Variants in TGS1 observed in about 807,000 individuals in gnomAD.
TGS1 encodes the protein trimethylguanosine synthase 1.
Under a neutral mutation model 92.2 loss-of-function variants are expected in TGS1, and 69 were observed. The ratio of observed to expected loss-of-function variants is 0.75; its 90% CI spans 0.62 to 0.91. The LOEUF (loss-of-function observed/expected upper bound fraction) is 0.91, where lower values mean the gene tolerates loss of function less well. Ranked by LOEUF, TGS1 falls within the 40% of genes least tolerant of loss-of-function variation. TGS1 has a pLI of 0.00. For missense variants in TGS1, 1,062 were observed against 1,001.2 expected (o/e 1.06, Z -0.82); for synonymous variants, 345 against 338.1 (o/e 1.02, Z -0.22).
intron 10 of TGS1, among the ~76,000 whole-genome samples, chr8:55,805,324 C>CA (rs530960573): frequency 1.3e-5 from 2 of 150,790 alleles, no homozygotes; most frequent in African/African-American, 2.4e-5. Flanking sequence ...AGATTTGTGA[C>CA]AAAAAAAAGA....
At chr8:55,801,697 T>C (rs1812220480) in intron 8 of TGS1, among the ~76,000 whole-genome samples, 1 of 150,156 alleles carries the variant, frequency 6.7e-6, no homozygotes, top group Non-Finnish European at 1.5e-5. Context: ...CACGCCATTC[T>C]TCTGTCTCAG....
chr8:55,801,582 C>CCTTTTTTTTTTTTTTTTTTTTTTTTTTTT (rs1214681045), intron 8 of TGS1, among the ~76,000 whole-genome samples: 1 of 48,216 alleles, frequency 2.1e-5, no homozygotes, highest in African/African-American at 9.4e-5. Context: ...CCCCATCGTT[C>CCTTTTTTTTTTTTTTTTTTTTTTTTTTTT]TTTTTTTTTT....
intron 1 of TGS1, among the ~76,000 whole-genome samples, chr8:55,781,736 A>G (rs1405902616): frequency 6.6e-6 from 1 of 152,266 alleles, no homozygotes; most frequent in Non-Finnish European, 1.5e-5. Flanking sequence ...CCAAAAAAGA[A>G]GCAAGAGGAT....
chr8:55,785,118 G>A (rs1487876691), intron 2 of TGS1, among the ~76,000 whole-genome samples: 1 of 150,642 alleles, frequency 6.6e-6, no homozygotes, highest in Non-Finnish European at 1.5e-5. Flanking sequence ...AGGCTGGGGT[G>A]CAGTGGCACA....
intron 8 of TGS1, among the ~76,000 whole-genome samples, chr8:55,802,063 G>A (rs1003236104): frequency 1.3e-5 from 2 of 152,086 alleles, no homozygotes; most frequent in African/African-American, 2.4e-5. Context: ...GCGTGGTGAC[G>A]GGCGCCTGTA....
intron 9 of TGS1, among the ~76,000 whole-genome samples, chr8:55,803,633 T>A (rs1812281941): frequency 6.6e-6 from 1 of 151,974 alleles, no homozygotes; most frequent in Non-Finnish European, 1.5e-5. Flanking sequence ...ACAGGAAAAT[T>A]AACGCACATT....
At chr8:55,817,201 A>C (rs67905241) in intron 12 of TGS1, among the ~76,000 whole-genome samples, 1 of 152,030 alleles carries the variant, frequency 6.6e-6, no homozygotes, top group Non-Finnish European at 1.5e-5. Context: ...TGAGGCTCCA[A>C]TTGTCTTTTT....
rs573875018 is a variant in TGS1 at position 55,786,698 on chromosome 8, G to A, written c.800G>A (p.Ser267Asn). The A allele has an allele frequency of 6.2e-7, 1 of 1,614,112 alleles. No individual in the cohort carries two copies. The highest frequency in any genetic ancestry group is 8.5e-7 in the Non-Finnish European group (1 of 1,180,012). The change falls in exon 4 of 13, where the codon AGC becomes AAC. Residue 267 changes from serine (S) to asparagine (N), a missense_variant. By Grantham distance (46) the Ser-to-Asn change is conservative. Coordinates refer to ENST00000260129, the MANE Select transcript of TGS1 (RefSeq NM_024831.8). ...GGTTGGACTTTTGATGCCTCGCAAA[G>A]CTGTGATACAGATACTTACACATCT... Reference protein sequence around the residue: ...AQGWTFDASQSCDTDTYTSKT... With the variant: ...AQGWTFDASQNCDTDTYTSKT...
Position 55,785,799 on chromosome 8 carries a change from G to A in TGS1, c.247G>A (p.Asp83Asn), listed in dbSNP as rs144111425. 1.2e-6 allele frequency: 2 copies of A among 1,613,852 alleles called. No homozygotes were observed. The highest frequency in any genetic ancestry group is 1.7e-5 in the Admixed American group (1 of 59,976). ...ACATGACAGCAAAGGCATAGGCCTG[G>A]ATGAAAGTGAACTTGATTCTGAGGC... ...ESHDSKGIGL[D>N]ESELDSEAEL... The change falls in exon 3 of 13, where the codon GAT becomes AAT. Residue 83 changes from aspartate to asparagine, a missense_variant. Coordinates refer to ENST00000260129, the MANE Select transcript of TGS1 (RefSeq NM_024831.8).
chr8:55,813,092 C>T lies in TGS1; in HGVS notation c.2413C>T (p.Leu805Phe). Residue 805 changes from leucine (L) to phenylalanine (F), a missense_variant, in exon 12 of 13, where the codon CTT becomes TTT. By Grantham distance (22) the Leu-to-Phe change is conservative. Transcript: ENST00000260129. ...GATCACTAATAATATTGTTTATTTT[C>T]TTCCAAGAAATGCTGATATTGACCA... The part of the protein sequence containing the change: ...KKITNNIVYF[L>F]PRNADIDQVA... 6.2e-7 allele frequency: 1 copy of T among 1,610,244 alleles called. No homozygotes were observed.
chr8:55,804,793 C>A, intron 9 of TGS1, 100 bp from the exon 10 acceptor site: 2 of 1,017,510 alleles, frequency 2.0e-6, no homozygotes, highest in South Asian at 2.2e-5. Flanking sequence ...GGAAACTAAG[C>A]TTTTTAAAAG....
intron 11 of TGS1, 33 bp from the exon 12 acceptor site, chr8:55,813,007 T>C (rs374736358): frequency 7.8e-6 from 11 of 1,407,218 alleles, no homozygotes; most frequent in African/African-American, 1.4e-5. Context: ...AATTAGCTGC[T>C]GTTTTCATTA....
At chr8:55,802,683 G>A in intron 9 of TGS1, 77 bp downstream of exon 9, 1 of 1,397,450 alleles carries the variant, frequency 7.2e-7, no homozygotes, top group Non-Finnish European at 9.6e-7. Context: ...GAATAATACA[G>A]GGAATGTTCA....
chr8:55,789,482 C>T (rs1053452008), intron 4 of TGS1, among the ~76,000 whole-genome samples: 1 of 151,954 alleles, frequency 6.6e-6, no homozygotes, highest in Non-Finnish European at 1.5e-5. Flanking sequence ...ACAAAGGCAG[C>T]TTTGTGGGTT....
chr8:55,790,708 A>G lies in TGS1; in HGVS notation c.1280+409A>G, dbSNP rs143985937. ...ATTTTTTAAAATTTTTTATAGAGACAGGGTCTCGCTATGTTGCCCAGGCTG... is the reference window on the plus strand; with the variant it reads ...ATTTTTTAAAATTTTTTATAGAGACGGGGTCTCGCTATGTTGCCCAGGCTG... On this transcript the variant is annotated intron_variant, in intron 5 of 12. Transcript: ENST00000260129. Among the ~76,000 whole-genome samples the G allele has an allele frequency of 9.0e-3, 1,372 of 152,208 alleles. 25 individuals carry two copies. The highest frequency in any genetic ancestry group is 0.032 in the African/African-American group (1,312 of 41,516).
chr8:55,798,122 A>G (rs11996581), intron 7 of TGS1, among the ~76,000 whole-genome samples: 2,013 of 152,332 alleles, frequency 0.013, 40 homozygotes, highest in African/African-American at 0.046. Context: ...TGCTGAGGAA[A>G]AAAGATATGT....
chr8:55,801,679 C>T (rs547796407), intron 8 of TGS1, among the ~76,000 whole-genome samples: 1 of 149,552 alleles, frequency 6.7e-6, no homozygotes, highest in East Asian at 2.0e-4. Context: ...AGCTCCGCCT[C>T]CCGGGTTCAC....
intron 12 of TGS1, among the ~76,000 whole-genome samples, chr8:55,818,788 C>G (rs1269180731): frequency 6.6e-6 from 1 of 152,212 alleles, no homozygotes; most frequent in African/African-American, 2.4e-5. Context: ...ATATCCAGCT[C>G]TTCTGGGCCA....
intron 1 of TGS1, among the ~76,000 whole-genome samples, chr8:55,775,345 T>G (rs1262740887): frequency 6.6e-6 from 1 of 152,152 alleles, no homozygotes; most frequent in Non-Finnish European, 1.5e-5. Context: ...CTTTGTAGAC[T>G]ATAGGAAAAC....
Sources: gnomAD v4.1 joint callset for allele counts (sites outside exome capture counted in the v4.1 genomes callset) on GRCh38, gnomAD v4.1.1 for gene constraint, MANE v1.5 for transcripts, NCBI Gene and HGNC (gene_info 2026-07-23, HGNC 2026-07-21) for gene names.